The following ETV1 variants were observed in gnomAD, a reference collection of about 807,000 sequenced individuals.
ETV1 encodes ETS translocation variant 1.
A neutral mutation model predicts 62.3 loss-of-function variants in ETV1; 27 were observed. That is an observed-to-expected ratio of 0.43 (90% CI 0.32 to 0.60). ETV1 has a LOEUF of 0.60. ETV1 is among the 20% of genes least tolerant of loss of function. The probability of loss-of-function intolerance (pLI) is 0.06; values close to 1 mark genes in which losing one functional copy is unlikely to be tolerated. For missense variants in ETV1, 605 were observed against 605.8 expected, an observed-to-expected ratio of 1.00 and a Z score of 0.01; for synonymous variants, 222 against 199.6, an observed-to-expected ratio of 1.11 and a Z score of -0.94.
chr7:13,950,832 T>A (rs866445694), intron 6 of ETV1, among the ~76,000 whole-genome samples: 4 of 151,840 alleles, frequency 2.6e-5, no homozygotes, highest in African/African-American at 7.3e-5. Context: ...ACCAATTAAC[T>A]GTGATCATTT....
At chr7:13,987,951 A>C in intron 4 of ETV1, 135 bp downstream of exon 4, 1 of 609,842 alleles carries the variant, frequency 1.6e-6, no homozygotes, top group Non-Finnish European at 2.9e-6. Context: ...AAATCGTTCC[A>C]AGTTAAAGTC....
intron 6 of ETV1, among the ~76,000 whole-genome samples, chr7:13,975,899 A>C (rs1216329107): frequency 2.6e-5 from 4 of 152,220 alleles, no homozygotes; most frequent in Non-Finnish European, 4.4e-5. Context: ...GTAAAATATC[A>C]ACGAGATTAA....
Position 13,917,690 on chromosome 7 carries a change from C to T in ETV1, c.803-6383G>A, listed in dbSNP as rs534660670. Among the ~76,000 whole-genome samples the T allele has an allele frequency of 1.2e-4, 18 of 150,420 alleles. No individual in the cohort carries two copies. In the East Asian group the frequency reaches 2.9e-3, roughly 24 times the overall value. On this transcript the variant is annotated intron_variant, in intron 9 of 13. Transcript: ENST00000430479. ...GTTTAAAAGAAAATATGAGGCCGGGCGCGGTGGCTCACGCCTGTAATCCCA... is the reference window on the plus strand; with the variant it reads ...GTTTAAAAGAAAATATGAGGCCGGGTGCGGTGGCTCACGCCTGTAATCCCA...
At chr7:13,916,303 A>T (rs950675743) in intron 9 of ETV1, among the ~76,000 whole-genome samples, 1 of 152,198 alleles carries the variant, frequency 6.6e-6, no homozygotes, top group African/African-American at 2.4e-5. Flanking sequence ...AGATGGTTTT[A>T]ATATGCTTGT....
chr7:13,940,285 C>T (rs1330533231), intron 6 of ETV1, among the ~76,000 whole-genome samples: 1 of 151,144 alleles, frequency 6.6e-6, no homozygotes, highest in Non-Finnish European at 1.5e-5. Flanking sequence ...TTGCTTGAAC[C>T]CAGAAGGTGG....
In ETV1 at chr7:13,930,796, AT is replaced by A. The variant is rs112701002; in HGVS notation, c.802+705del. On this transcript the variant is annotated intron_variant, in intron 9 of 13. Transcript: ENST00000430479. ...CTTAGAATCTTTGCCACCAATATAT[AT>A]TTTTTTTTTTTTGAGATTTTTGAGA... 3.3e-3 allele frequency among the ~76,000 whole-genome samples: 375 copies of A among 115,018 alleles called. 3 individuals are homozygous for A. Among genetic ancestry groups the A allele is most frequent in the African/African-American group, 9.2e-3 (342 of 37,076 alleles). 75.5% of individuals were successfully genotyped at this position (115,018 alleles called of 152,430 possible). A position where few individuals can be genotyped will look rare whatever the true frequency, so the allele number is the denominator to read the frequency against.
intron 8 of ETV1, among the ~76,000 whole-genome samples, chr7:13,934,360 T>A (rs1786541203): frequency 6.6e-6 from 1 of 152,216 alleles, no homozygotes. Flanking sequence ...TATAGCAAAA[T>A]GAGTTTCTGA....
Position 13,893,337 on chromosome 7 carries a change from G to T in ETV1, c.*2529C>A, listed in dbSNP as rs532758095. On this transcript the variant is annotated 3_prime_UTR_variant, in exon 14 of 14. Transcript: ENST00000430479. Reference sequence around the variant, plus strand: ...AAAAACATAAAAACTCAACCAAAAAGTGGAATCAAAACAGAACTTAAAAAA... The same window carrying T: ...AAAAACATAAAAACTCAACCAAAAATTGGAATCAAAACAGAACTTAAAAAA... 4 of 231,394 alleles carry T rather than the reference G, an allele frequency of 1.7e-5. No individual in the cohort carries two copies. The highest frequency in any genetic ancestry group is 6.6e-5 in the African/African-American group (3 of 45,336). The allele number at this position is 231,394 out of a possible 1,614,324, so 14.3% of individuals were successfully genotyped here.
intron 12 of ETV1, among the ~76,000 whole-genome samples, chr7:13,903,596 C>T (rs1423234271): frequency 1.3e-5 from 2 of 151,782 alleles, no homozygotes; most frequent in Non-Finnish European, 2.9e-5. Flanking sequence ...AACCCCGTCC[C>T]TACTAAAAAT....
chr7:13,963,296 T>C (rs140545657), intron 6 of ETV1, among the ~76,000 whole-genome samples: 2 of 152,122 alleles, frequency 1.3e-5, no homozygotes, highest in Non-Finnish European at 2.9e-5. Context: ...TTTTTCGTTA[T>C]GAAAAAAAGC....
intron 6 of ETV1, among the ~76,000 whole-genome samples, chr7:13,973,644 CT>C (rs142811728): frequency 1.1e-3 from 169 of 148,654 alleles, no homozygotes; most frequent in African/African-American, 3.6e-3. Flanking sequence ...TATCCTTCCA[CT>C]TTTTTTTTTA....
At chr7:13,964,779 CTAA>C (rs1271821747) in intron 6 of ETV1, among the ~76,000 whole-genome samples, 1 of 152,038 alleles carries the variant, frequency 6.6e-6, no homozygotes, top group Non-Finnish European at 1.5e-5. Context: ...AAAAAAATCA[CTAA>C]TGAGTGAAAG....
chr7:13,986,466 CCA>C (rs1168908032), intron 5 of ETV1, 170 bp downstream of exon 5: 2 of 1,504,872 alleles, frequency 1.3e-6, no homozygotes, highest in Non-Finnish European at 1.8e-6. Context: ...TAGTACAGCC[CCA>C]GAGTCCCCAA....
chr7:13,939,373 T>C (rs545518083), intron 6 of ETV1, 127 bp from the exon 7 acceptor site: 2 of 747,146 alleles, frequency 2.7e-6, no homozygotes, highest in African/African-American at 3.6e-5. Context: ...GTAAGAAAAA[T>C]CACGTTTGAT....
At chr7:13,986,124 C>G in intron 5 of ETV1, 6 of 1,587,936 alleles carry the variant, frequency 3.8e-6, no homozygotes, top group Non-Finnish European at 5.1e-6. Flanking sequence ...ACCTAACGTT[C>G]TGTGTTGTGA....
chr7:13,975,249 G>A (rs1402943162), intron 6 of ETV1, among the ~76,000 whole-genome samples: 1 of 152,126 alleles, frequency 6.6e-6, no homozygotes, highest in African/African-American at 2.4e-5. Flanking sequence ...GACAGTGCTG[G>A]CATGGTGCAT....
intron 11 of ETV1, among the ~76,000 whole-genome samples, chr7:13,909,392 G>C (rs1783324616): frequency 6.6e-6 from 1 of 152,136 alleles, no homozygotes; most frequent in Non-Finnish European, 1.5e-5. Context: ...AGCTCAGCAA[G>C]AATGATGCTC....
chr7:13,922,452 T>C (rs1217376597), intron 9 of ETV1, among the ~76,000 whole-genome samples: 1 of 152,162 alleles, frequency 6.6e-6, no homozygotes, highest in Non-Finnish European at 1.5e-5. Context: ...GAATAGTAAG[T>C]GACATTGGAA....
At chr7:13,933,174 T>G (rs1786387073) in intron 8 of ETV1, among the ~76,000 whole-genome samples, 1 of 152,176 alleles carries the variant, frequency 6.6e-6, no homozygotes, top group African/African-American at 2.4e-5. Context: ...TTGTGAAGCC[T>G]TAAAAGGAAG....
Sources: gnomAD v4.1 joint callset for allele counts (sites outside exome capture counted in the v4.1 genomes callset) on GRCh38, gnomAD v4.1.1 for gene constraint, MANE v1.5 for transcripts, NCBI Gene and HGNC (gene_info 2026-07-23, HGNC 2026-07-21) for gene names.